Variants in ZNF57 observed in about 807,000 individuals in gnomAD.
ZNF57 encodes the protein zinc finger protein 424.
In ZNF57, 11 loss-of-function variants were observed where a neutral mutation model predicts 13.4. That is an observed-to-expected ratio of 0.82 (90% CI 0.52 to 1.36). The LOEUF (loss-of-function observed/expected upper bound fraction) is 1.36, where lower values mean the gene tolerates loss of function less well. Among genes scored for constraint, ZNF57 ranks in the 40% most tolerant of loss-of-function variants. The pLI, the probability that ZNF57 is intolerant of heterozygous loss-of-function variation, is 0.00. For missense variants in ZNF57, 696 were observed against 667.5 expected (o/e 1.04, Z -0.47); for synonymous variants, 224 against 238.5 (o/e 0.94, Z 0.56).
intron 1 of ZNF57, among the ~76,000 whole-genome samples, chr19:2,909,281 G>GTTTTTTTTTT (rs753880478): frequency 4.7e-5 from 5 of 107,166 alleles, no homozygotes; most frequent in Admixed American, 1.2e-4. Flanking sequence ...ATTTATTTTT[G>GTTTTTTTTTT]TTTTTTTTTT....
chr19:2,908,253 T>G (rs184033119), intron 1 of ZNF57, among the ~76,000 whole-genome samples: 22 of 152,306 alleles, frequency 1.4e-4, no homozygotes, highest in Admixed American at 1.4e-3. Flanking sequence ...AGTTTATGTT[T>G]TATAATTCTT....
At position 2,918,407 on chromosome 19, in the gene ZNF57, T is replaced by C. The variant is rs2088237336; in HGVS notation, c.*118T>C. The C allele has an allele frequency of 9.0e-7, 1 of 1,111,470 alleles. No individual in the cohort carries two copies. The highest frequency in any genetic ancestry group is 2.7e-5 in the Admixed American group (1 of 36,912). The allele number at this position is 1,111,470 out of a possible 1,614,324, so 68.9% of individuals were successfully genotyped here. ...TGATATTGTCTTTGTCAATACCTCA[T>C]TTGTAAAACAGACCCATTAGTCGTG... On this transcript the variant is annotated 3_prime_UTR_variant, in exon 4 of 4. Coordinates refer to ENST00000306908, the MANE Select transcript of ZNF57 (RefSeq NM_173480.3).
At chr19:2,913,950 T>C (rs2088164973) in intron 1 of ZNF57, among the ~76,000 whole-genome samples, 1 of 151,920 alleles carries the variant, frequency 6.6e-6, no homozygotes, top group Non-Finnish European at 1.5e-5. Context: ...CAATATTTTG[T>C]ATTTCTATTG....
chr19:2,902,426 G>C (rs1345356976), intron 1 of ZNF57, among the ~76,000 whole-genome samples: 4 of 152,008 alleles, frequency 2.6e-5, no homozygotes, highest in African/African-American at 9.7e-5. Flanking sequence ...TTTATCGTGG[G>C]GTACAGGCTA....
chr19:2,914,812 G>A (rs1021057258), intron 1 of ZNF57, among the ~76,000 whole-genome samples: 8 of 152,088 alleles, frequency 5.3e-5, no homozygotes, highest in Non-Finnish European at 8.8e-5. Context: ...AAAACAGTGC[G>A]TTTTAATTAG....
chr19:2,901,658 T>G (rs1816851000), intron 1 of ZNF57, among the ~76,000 whole-genome samples: 1 of 152,020 alleles, frequency 6.6e-6, no homozygotes, highest in African/African-American at 2.4e-5. Flanking sequence ...GTAGCTGAGA[T>G]TACAGGCGCC....
intron 1 of ZNF57, among the ~76,000 whole-genome samples, chr19:2,906,730 C>T (rs915312905): frequency 2.6e-5 from 4 of 152,144 alleles, no homozygotes; most frequent in South Asian, 2.1e-4. Context: ...GTGTTGTGTG[C>T]GCACAAGACT....
chr19:2,906,226 A>C (rs1282436893), intron 1 of ZNF57, among the ~76,000 whole-genome samples: 2 of 152,116 alleles, frequency 1.3e-5, no homozygotes, highest in African/African-American at 4.8e-5. Context: ...CTAATTAAAA[A>C]AAATTTTTAT....
chr19:2,904,510 GTTTT>G (rs753531977), intron 1 of ZNF57, among the ~76,000 whole-genome samples: 5 of 151,564 alleles, frequency 3.3e-5, no homozygotes, highest in South Asian at 2.1e-4. Context: ...CCCAGCCAAA[GTTTT>G]TTTTGTTTGT....
intron 1 of ZNF57, among the ~76,000 whole-genome samples, chr19:2,906,549 T>G (rs2088076761): frequency 6.6e-6 from 1 of 152,180 alleles, no homozygotes; most frequent in Non-Finnish European, 1.5e-5. Context: ...TCTACCCATA[T>G]GCAAGAAGCA....
At chr19:2,905,662 G>A (rs1428506736) in intron 1 of ZNF57, among the ~76,000 whole-genome samples, 2 of 151,384 alleles carry the variant, frequency 1.3e-5, no homozygotes, top group African/African-American at 2.4e-5. Flanking sequence ...CTACTCGGGA[G>A]GCTGAGGCTG....
rs796855461 is a variant in ZNF57, at chr19:2,910,462, T to C, written c.4-5060T>C. Among the ~76,000 whole-genome samples the C allele has an allele frequency of 2.0e-3, 53 of 25,876 alleles. 12 individuals carry two copies. The highest frequency in any genetic ancestry group is 4.5e-3 in the Non-Finnish European group (37 of 8,246). The allele number at this position is 25,876 out of a possible 152,430, so 17.0% of individuals were successfully genotyped here. A position where few individuals can be genotyped will look rare whatever the true frequency, so the allele number is the denominator to read the frequency against. ...TGATCTGTTTCTTTTCTTTTCTTTT[T>C]TTTTTTTTTTTTTTTTGAGACAGAG... On this transcript the variant is annotated intron_variant, in intron 1 of 3. Transcript: ENST00000306908.
At chr19:2,901,190 G>T in intron 1 of ZNF57, 142 bp downstream of exon 1, 1 of 1,177,642 alleles carries the variant, frequency 8.5e-7, no homozygotes. Context: ...ACCCGGGGAC[G>T]CCATCACAGC....
At chr19:2,905,868 A>G (rs1002827494) in intron 1 of ZNF57, among the ~76,000 whole-genome samples, 2 of 151,998 alleles carry the variant, frequency 1.3e-5, no homozygotes, top group Non-Finnish European at 2.9e-5. Context: ...AGTTTTTCAT[A>G]AATTCAAAAA....
In ZNF57 at chr19:2,911,929, A is replaced by C. The variant is rs146025383; in HGVS notation, c.4-3593A>C. 2.0e-5 allele frequency among the ~76,000 whole-genome samples: 3 copies of C among 152,322 alleles called. No individual in the cohort carries two copies. The East Asian group carries it at 5.8e-4, about 29-fold the overall frequency. On this transcript the variant is annotated intron_variant, in intron 1 of 3. Transcript: ENST00000306908. ...CTTGTTTTAAATTCCCAGTCTGATAATTCCAATGTCCCTGCCATATATGAG... is the reference window on the plus strand; with the variant it reads ...CTTGTTTTAAATTCCCAGTCTGATACTTCCAATGTCCCTGCCATATATGAG...
In ZNF57 at chr19:2,918,033, C is replaced by A; in HGVS notation, c.1412C>A (p.Thr471Asn). The A allele has an allele frequency of 6.2e-7, 1 of 1,614,232 alleles. No individual in the cohort carries two copies. Among genetic ancestry groups the A allele is most frequent in the Non-Finnish European group, 8.5e-7 (1 of 1,180,044 alleles). ...TTCCAAGGTCATTTGAGGATGCACA[C>A]TGGAGAGAAGCCTTATGAGTGTAAA... ...RAFQGHLRMH[T>N]GEKPYECKQC... Residue 471 changes from threonine to asparagine, a missense_variant, in exon 4 of 4, where the codon ACT becomes AAT. By Grantham distance (65) the Thr-to-Asn change is moderately conservative (BLOSUM62 0). This residue lies in a region of ZNF57 where 645 missense variants were observed against 591.5 expected (regional missense o/e 1.09). Transcript: ENST00000306908.
intron 1 of ZNF57, among the ~76,000 whole-genome samples, chr19:2,906,189 A>T (rs1473949884): frequency 6.6e-6 from 1 of 152,140 alleles, no homozygotes; most frequent in Non-Finnish European, 1.5e-5. Context: ...AGTAGCTGGG[A>T]CTGCAGATTC....
rs571865362 is a variant in ZNF57 at position 2,918,216 on chromosome 19, A to G, written c.1595A>G (p.His532Arg). 1.9e-6 allele frequency: 3 copies of G among 1,614,180 alleles called. No individual in the cohort carries two copies. In the African/African-American group the frequency reaches 4.0e-5, roughly 21 times the overall value. Residue 532 changes from histidine to arginine, a missense_variant, in exon 4 of 4, where the codon CAC becomes CGC. Transcript: ENST00000306908. Reference sequence around the variant, plus strand: ...AGGATGCACACAGGACAGAAATCCCACGAATGTCAGTCATACTCAAAAGCC... The same window carrying G: ...AGGATGCACACAGGACAGAAATCCCGCGAATGTCAGTCATACTCAAAAGCC... ...HLRMHTGQKS[H>R]ECQSYSKAFS...
intron 1 of ZNF57, among the ~76,000 whole-genome samples, chr19:2,914,249 A>C (rs2088168308): frequency 6.6e-6 from 1 of 152,052 alleles, no homozygotes; most frequent in African/African-American, 2.4e-5. Flanking sequence ...CATTTCTTTT[A>C]TTTTTATTTA....
Sources: gnomAD v4.1 joint callset for allele counts (sites outside exome capture counted in the v4.1 genomes callset) on GRCh38, gnomAD v4.1.1 for gene constraint, gnomAD v4.1.1 regional missense constraint, MANE v1.5 for transcripts, NCBI Gene and HGNC (gene_info 2026-07-23, HGNC 2026-07-21) for gene names.